The following FHAD1 variants were observed in gnomAD, a reference collection of about 807,000 sequenced individuals.
FHAD1 encodes the protein forkhead associated phosphopeptide binding domain 1.
A neutral mutation model predicts 191.3 loss-of-function variants in FHAD1; 146 were observed. The ratio of observed to expected loss-of-function variants is 0.76; its 90% CI spans 0.67 to 0.88. FHAD1 has a LOEUF of 0.88. FHAD1 is among the 40% of genes least tolerant of loss of function. The pLI is 0.00. For missense variants in FHAD1, 1,635 were observed against 1,785.8 expected (o/e 0.92, Z 1.52); for synonymous variants, 616 against 672.3 (o/e 0.92, Z 1.29).
chr1:15,288,899 G>A (rs1173059938), intron 3 of FHAD1, among the ~76,000 whole-genome samples: 1 of 152,208 alleles, frequency 6.6e-6, no homozygotes, highest in African/African-American at 2.4e-5. Flanking sequence ...TGGTGTGATC[G>A]TGTGCCGTGT....
rs148569480 is a variant in FHAD1, at chr1:15,394,258, G to C, written c.4323+2995G>C. On this transcript the variant is annotated intron_variant, in intron 33 of 33. Transcript: ENST00000688493. Reference sequence around the variant, plus strand: ...ATCCCATGCTTCTGGCAGCCCTGGGGCTGGAGACCTGGGGACCTGGGACTC... The same window carrying C: ...ATCCCATGCTTCTGGCAGCCCTGGGCCTGGAGACCTGGGGACCTGGGACTC... Among the ~76,000 whole-genome samples, 828 of 152,280 alleles carry C rather than the reference G, an allele frequency of 5.4e-3. 6 individuals are homozygous for C. Among genetic ancestry groups the C allele is most frequent in the African/African-American group, 0.019 (790 of 41,544 alleles).
At chr1:15,390,806 G>A (rs1703811392) in intron 32 of FHAD1, among the ~76,000 whole-genome samples, 1 of 152,204 alleles carries the variant, frequency 6.6e-6, no homozygotes, top group Non-Finnish European at 1.5e-5. Flanking sequence ...CCATCCCTGA[G>A]CCATTGGGAT....
chr1:15,349,712 G>A (rs1271688905), intron 19 of FHAD1, among the ~76,000 whole-genome samples: 1 of 152,178 alleles, frequency 6.6e-6, no homozygotes, highest in Admixed American at 6.5e-5. Context: ...AAGCACGTAT[G>A]GTTGTCACAT....
chr1:15,296,589 G>A lies in FHAD1; in HGVS notation c.569-95G>A, dbSNP rs948950752. On this transcript the variant is annotated intron_variant, in intron 4 of 33. Coordinates refer to ENST00000688493, the MANE Select transcript of FHAD1 (RefSeq NM_001391957.1). ...AATTACATAAAATATCAATCTCTGG[G>A]GGGAAACAAACAGGAAGGCTAACGT... 9 of 1,116,378 alleles carry A rather than the reference G, an allele frequency of 8.1e-6. No homozygotes were observed. In the African/African-American group the frequency reaches 1.1e-4, roughly 13 times the overall value. The allele number at this position is 1,116,378 out of a possible 1,614,324, so 69.2% of individuals were successfully genotyped here. A position where few individuals can be genotyped will look rare whatever the true frequency, so the allele number is the denominator to read the frequency against.
In FHAD1 at chr1:15,358,166, A is replaced by G. The variant is rs998460449; in HGVS notation, c.2619A>G (p.Ala873=). ...EDVLNNKLSD[A]LAMVEETQKT... is the part of the protein sequence containing the mutation. ...TTTTAAATAATAAATTAAGTGACGC[A>G]CTGGCCATGGTTGAAGAGACTCAGA... The change falls in exon 21 of 34, where the codon GCA becomes GCG. Residue 873 remains alanine, a synonymous_variant. Transcript: ENST00000688493. 2.6e-6 allele frequency: 4 copies of G among 1,531,124 alleles called. No individual in the cohort carries two copies. The Admixed American group carries it at 6.9e-5, about 27-fold the overall frequency. 94.8% of individuals were successfully genotyped at this position (1,531,124 alleles called of 1,614,324 possible). A position where few individuals can be genotyped will look rare whatever the true frequency, so the allele number is the denominator to read the frequency against.
At chr1:15,384,057 CTA>C (rs1013478697) in intron 31 of FHAD1, 29 of 207,144 alleles carry the variant, frequency 1.4e-4, no homozygotes, top group Admixed American at 4.5e-4. Flanking sequence ...GTGTGTGACA[CTA>C]TGTGTGTGTG....
At chr1:15,394,473 C>A (rs1705262324) in intron 33 of FHAD1, among the ~76,000 whole-genome samples, 1 of 152,274 alleles carries the variant, frequency 6.6e-6, no homozygotes, top group Middle Eastern at 3.4e-3. Context: ...GCATTTGGAC[C>A]AATATTTACT....
At chr1:15,257,152 G>A (rs537185080) in intron 2 of FHAD1, among the ~76,000 whole-genome samples, 10 of 152,166 alleles carry the variant, frequency 6.6e-5, no homozygotes, top group Non-Finnish European at 1.3e-4. Context: ...ACGGACGTGC[G>A]AGTCCATGTG....
rs1675383179 is a variant in FHAD1, at chr1:15,318,896, T to C, written c.1365+968T>C. Among the ~76,000 whole-genome samples, 1 of 152,242 alleles carries C rather than the reference T, an allele frequency of 6.6e-6. No homozygotes were observed. The highest frequency in any genetic ancestry group is 6.5e-5 in the Admixed American group (1 of 15,288). On this transcript the variant is annotated intron_variant, in intron 10 of 33. Transcript: ENST00000688493. This position sits in a 1 kb window ranked among gnomAD's most constrained non-coding sequence, Gnocchi z 4.1. Reference sequence around the variant, plus strand: ...TTAATTTTTTTAACTGAAAATATCTTCGAGAGTCCTGAGCAGTGTGGACAG... The same window carrying C: ...TTAATTTTTTTAACTGAAAATATCTCCGAGAGTCCTGAGCAGTGTGGACAG...
At chr1:15,363,872 C>A in intron 23 of FHAD1, 1 of 448,546 alleles carries the variant, frequency 2.2e-6, no homozygotes, top group East Asian at 7.0e-5. Flanking sequence ...GATTCAGAAG[C>A]TCCCCCAAGA....
chr1:15,357,480 GGGT>G (rs1162094717), intron 20 of FHAD1, among the ~76,000 whole-genome samples: 4 of 152,112 alleles, frequency 2.6e-5, no homozygotes, highest in Admixed American at 6.5e-5. Context: ...AAAATTAGCT[GGGT>G]GTGGTAGCGT....
chr1:15,349,684 C>G (rs576678099), intron 19 of FHAD1, among the ~76,000 whole-genome samples: 1 of 152,224 alleles, frequency 6.6e-6, no homozygotes, highest in Admixed American at 6.5e-5. Context: ...AGAGAGATGG[C>G]ACAGGTAGGT....
At position 15,362,679 on chromosome 1, in the gene FHAD1, T is replaced by G. The variant is rs1269570005; in HGVS notation, c.3000T>G (p.Ala1000=). 1.9e-6 allele frequency: 3 copies of G among 1,551,784 alleles called. No homozygotes were observed. Among genetic ancestry groups the G allele is most frequent in the East Asian group, 2.4e-5 (1 of 40,918 alleles). The part of the protein sequence containing the change: ...KEERPQDPLV[A]PMTESSAKDM... ...AAAGGCCGCAAGACCCTCTGGTGGC[T>G]CCCATGACAGAGAGCAGTGCCAAAG... The change falls in exon 23 of 34, where the codon GCT becomes GCG. Residue 1000 remains alanine (A), a synonymous_variant. Transcript: ENST00000688493.
At chr1:15,275,297 T>C (rs1657909705) in intron 3 of FHAD1, among the ~76,000 whole-genome samples, 1 of 152,238 alleles carries the variant, frequency 6.6e-6, no homozygotes, top group Non-Finnish European at 1.5e-5. Flanking sequence ...TGGCTGTACA[T>C]GAATTTTAAA....
intron 1 of FHAD1, among the ~76,000 whole-genome samples, chr1:15,251,285 A>AG (rs1646743745): frequency 2.7e-5 from 3 of 109,896 alleles, no homozygotes; most frequent in African/African-American, 9.6e-5. Context: ...AAAAAAAAAA[A>AG]CAAAAAAAAC....
At chr1:15,319,788 A>T (rs1675676476) in intron 10 of FHAD1, among the ~76,000 whole-genome samples, 1 of 152,246 alleles carries the variant, frequency 6.6e-6, no homozygotes. Flanking sequence ...TAATTGTATA[A>T]TTTGCCTACA....
rs962026053 is a variant in FHAD1, at chr1:15,381,328, A to G, written c.3899A>G (p.Lys1300Arg). Reference sequence around the variant, plus strand: ...TACCTCTCCCGCCAGGAGAGGGAGAAGGTCAACCAGCTTCGACAAAGGGAC... The same window carrying G: ...TACCTCTCCCGCCAGGAGAGGGAGAGGGTCAACCAGCTTCGACAAAGGGAC... ...MKYLSRQERE[K>R]VNQLRQRDLD... is the part of the protein sequence containing the mutation. The change falls in exon 30 of 34, where the codon AAG becomes AGG. Residue 1300 changes from lysine (K) to arginine (R), a missense_variant. Physicochemically the swap from Lys to Arg is conservative, Grantham distance 26. Coordinates refer to ENST00000688493, the MANE Select transcript of FHAD1 (RefSeq NM_001391957.1). The surrounding 1 kb of genome is among the most constrained non-coding windows in gnomAD (Gnocchi z 4.6). The G allele has an allele frequency of 2.6e-6, 4 of 1,551,760 alleles. No individual in the cohort carries two copies. Among genetic ancestry groups the G allele is most frequent in the Non-Finnish European group, 3.5e-6 (4 of 1,146,982 alleles).
intron 23 of FHAD1, chr1:15,363,902 C>T: frequency 2.5e-6 from 1 of 408,036 alleles, no homozygotes; most frequent in East Asian, 7.3e-5. Flanking sequence ...CCTGCCTGAC[C>T]CTTGCACCAA....
chr1:15,247,364 A>G lies in FHAD1; in HGVS notation c.-46A>G. The stretch of plus-strand genomic sequence containing the variant: ...CCCGAGCTGGCAGGGCTCTCGGCGG[A>G]GGTCGGAGCGTGGGCTTCCTCCTCC... On this transcript the variant is annotated 5_prime_UTR_variant, in exon 1 of 34. Transcript: ENST00000688493. The G allele has an allele frequency of 4.3e-6, 1 of 234,236 alleles. No homozygotes were observed. Among genetic ancestry groups the G allele is most frequent in the Non-Finnish European group, 9.3e-6 (1 of 107,104 alleles). 14.5% of individuals were successfully genotyped at this position (234,236 alleles called of 1,614,324 possible). A position where few individuals can be genotyped will look rare whatever the true frequency, so the allele number is the denominator to read the frequency against.
Sources: gnomAD v4.1 joint callset for allele counts (sites outside exome capture counted in the v4.1 genomes callset) on GRCh38, gnomAD v4.1.1 for gene constraint, Gnocchi (gnomAD v3.1) non-coding constraint, MANE v1.5 for transcripts, NCBI Gene and HGNC (gene_info 2026-07-23, HGNC 2026-07-21) for gene names.